The following PAM variants were observed in gnomAD, a reference collection of about 807,000 sequenced individuals.
The protein encoded by PAM is peptidylglycine alpha-amidating monooxygenase.
PAM carries 72 observed loss-of-function variants against 122.1 expected under a neutral mutation model. The observed-to-expected ratio is 0.59, with a 90% CI of 0.49 to 0.72. PAM has a LOEUF of 0.72. Ranked by LOEUF, PAM falls within the 30% of genes least tolerant of loss-of-function variation. The pLI, the probability that PAM is intolerant of heterozygous loss-of-function variation, is 0.00. For synonymous variants in PAM, 389 were observed against 404.4 expected (o/e 0.96, Z 0.46); for missense variants, 1,106 against 1,183.7 (o/e 0.93, Z 0.96).
At chr5:103,008,503 C>T (rs751274074) in intron 20 of PAM, among the ~76,000 whole-genome samples, 4 of 151,966 alleles carry the variant, frequency 2.6e-5, no homozygotes, top group Non-Finnish European at 5.9e-5. Flanking sequence ...TTGAAAAATT[C>T]ACAATTAAAG....
rs368974389 is a variant in PAM, at chr5:103,028,241, A to G, written c.2743+3A>G. 5.0e-6 allele frequency: 8 copies of G among 1,601,362 alleles called. No homozygotes were observed. In the South Asian group the frequency reaches 8.8e-5, roughly 18 times the overall value. On this transcript the variant is annotated splice_donor_region_variant and intron_variant, in intron 25 of 25. Coordinates refer to ENST00000438793, the MANE Select transcript of PAM (RefSeq NM_001177306.2). ...AAGAGTACTGGGAAGATTTAGAGGTATGCCTATGACCTTTTAGAACCCTTC... is the reference window on the plus strand; with the variant it reads ...AAGAGTACTGGGAAGATTTAGAGGTGTGCCTATGACCTTTTAGAACCCTTC...
chr5:102,956,859 A>C (rs1295216609), intron 12 of PAM, among the ~76,000 whole-genome samples: 1 of 152,094 alleles, frequency 6.6e-6, no homozygotes, highest in Non-Finnish European at 1.5e-5. Context: ...TTTTACTTTT[A>C]GTACAATTTT....
chr5:102,939,143 C>A (rs978998825), intron 7 of PAM, among the ~76,000 whole-genome samples: 2 of 152,084 alleles, frequency 1.3e-5, no homozygotes, highest in African/African-American at 2.4e-5. Flanking sequence ...ACAGAATATT[C>A]TATTAGCAAA....
At chr5:102,820,190 TG>T (rs1446736633) in intron 1 of PAM, among the ~76,000 whole-genome samples, 1 of 152,160 alleles carries the variant, frequency 6.6e-6, no homozygotes, top group Non-Finnish European at 1.5e-5. Flanking sequence ...ATTGAGCTGA[TG>T]GGGCATTTTG....
intron 1 of PAM, among the ~76,000 whole-genome samples, chr5:102,843,661 G>A (rs1779246589): frequency 6.6e-6 from 1 of 152,064 alleles, no homozygotes; most frequent in Admixed American, 6.6e-5. Flanking sequence ...GAATTCAACA[G>A]TAAAAACAAA....
intron 1 of PAM, among the ~76,000 whole-genome samples, chr5:102,848,321 A>C (rs929473346): frequency 4.6e-5 from 7 of 152,198 alleles, no homozygotes; most frequent in Admixed American, 6.5e-5. Context: ...TAGAAATATG[A>C]GATACTGTTG....
intron 1 of PAM, among the ~76,000 whole-genome samples, chr5:102,800,779 A>G (rs1423403804): frequency 6.6e-6 from 1 of 152,108 alleles, no homozygotes; most frequent in Non-Finnish European, 1.5e-5. Flanking sequence ...GGTCCTGATC[A>G]CTTTATACTC....
At position 102,911,651 on chromosome 5, in the gene PAM, TAC is replaced by T. The variant is rs112295035; in HGVS notation, c.269-2281_269-2280del. On this transcript the variant is annotated intron_variant, in intron 4 of 25. Coordinates refer to ENST00000438793, the MANE Select transcript of PAM (RefSeq NM_001177306.2). ...TTTTCTTTCTTTCCTAATGAAAAGCTACAGAGATTATATGTTGTTGTCTTTAT... is the reference window on the plus strand; with the variant it reads ...TTTTCTTTCTTTCCTAATGAAAAGCTAGAGATTATATGTTGTTGTCTTTAT... 1.9e-3 allele frequency among the ~76,000 whole-genome samples: 282 copies of T among 152,152 alleles called. 1 individual carries two copies. The highest frequency in any genetic ancestry group is 6.2e-3 in the African/African-American group (256 of 41,558).
intron 5 of PAM, among the ~76,000 whole-genome samples, chr5:102,920,249 T>C (rs1158482181): frequency 6.6e-6 from 1 of 152,080 alleles, no homozygotes; most frequent in East Asian, 1.9e-4. Context: ...GTGTAGTGTC[T>C]GGCATGTAGA....
intron 5 of PAM, among the ~76,000 whole-genome samples, chr5:102,923,241 G>A (rs892146211): frequency 3.9e-5 from 6 of 152,098 alleles, no homozygotes; most frequent in Non-Finnish European, 7.4e-5. Flanking sequence ...CAGAAAATAC[G>A]GTAAGAGTCC....
intron 8 of PAM, among the ~76,000 whole-genome samples, chr5:102,947,718 C>G (rs1403509708): frequency 6.6e-6 from 1 of 152,126 alleles, no homozygotes; most frequent in Non-Finnish European, 1.5e-5. Context: ...TACTACACTT[C>G]TTTTAGCCCA....
intron 3 of PAM, among the ~76,000 whole-genome samples, chr5:102,892,229 G>T (rs1162473285): frequency 6.6e-6 from 1 of 151,958 alleles, no homozygotes; most frequent in South Asian, 2.1e-4. Context: ...CAACCATCTT[G>T]TGATCATGAA....
chr5:103,020,272 T>C (rs896737792), intron 23 of PAM, among the ~76,000 whole-genome samples: 1 of 152,148 alleles, frequency 6.6e-6, no homozygotes, highest in Non-Finnish European at 1.5e-5. Context: ...TATAATGGTA[T>C]GGAAAGATTA....
chr5:102,960,851 T>A (rs2150234588), intron 13 of PAM, among the ~76,000 whole-genome samples: 1 of 151,350 alleles, frequency 6.6e-6, no homozygotes, highest in South Asian at 2.1e-4. Flanking sequence ...GTGCTAAATT[T>A]AATTTAAGAA....
intron 5 of PAM, among the ~76,000 whole-genome samples, chr5:102,915,568 TTC>T (rs1802861632): frequency 1.3e-5 from 2 of 152,182 alleles, no homozygotes; most frequent in Non-Finnish European, 2.9e-5. Flanking sequence ...TAAAAGATTA[TTC>T]TGTGACAGCT....
chr5:102,877,608 C>T (rs1186873563), intron 3 of PAM, among the ~76,000 whole-genome samples: 3 of 152,164 alleles, frequency 2.0e-5, no homozygotes, highest in African/African-American at 7.2e-5. Context: ...ATGAAGTATT[C>T]AGAACCTCAA....
At chr5:102,807,581 G>C (rs1766574426) in intron 1 of PAM, among the ~76,000 whole-genome samples, 1 of 152,162 alleles carries the variant, frequency 6.6e-6, no homozygotes, top group Non-Finnish European at 1.5e-5. Flanking sequence ...TATTGGCAAG[G>C]ATTTAGGAGA....
chr5:102,859,400 G>A (rs1783503628), intron 1 of PAM, among the ~76,000 whole-genome samples: 1 of 150,272 alleles, frequency 6.7e-6, no homozygotes, highest in South Asian at 2.1e-4. Flanking sequence ...AGCTTAAAAA[G>A]TTTAATAAGG....
intron 3 of PAM, among the ~76,000 whole-genome samples, chr5:102,886,876 T>G (rs976413672): frequency 2.6e-5 from 4 of 152,090 alleles, no homozygotes; most frequent in African/African-American, 9.7e-5. Context: ...TAGAAGGTAC[T>G]CAGTGAGTAT....
Sources: allele counts gnomAD v4.1 joint callset (sites outside exome capture counted in the v4.1 genomes callset), GRCh38; gene constraint gnomAD v4.1.1; transcripts MANE v1.5; gene names NCBI Gene and HGNC (gene_info 2026-07-23, HGNC 2026-07-21).